The following ADAMTS16 variants were observed in gnomAD, a reference collection of about 807,000 sequenced individuals.
The protein encoded by ADAMTS16 is ADAM metallopeptidase with thrombospondin type 1 motif 16.
In ADAMTS16, 94 loss-of-function variants were observed where a neutral mutation model predicts 145.8. That is an observed-to-expected ratio of 0.64 (90% confidence interval 0.55 to 0.77). ADAMTS16 has a LOEUF of 0.77. Ranked by LOEUF, ADAMTS16 falls within the 30% of genes least tolerant of loss-of-function variation. The pLI, the probability that ADAMTS16 is intolerant of heterozygous loss-of-function variation, is 0.00. For missense variants in ADAMTS16, 1,585 were observed against 1,591.5 expected (o/e 1.00, Z 0.07); for synonymous variants, 659 against 604.3 (o/e 1.09, Z -1.33).
intron 5 of ADAMTS16, 45 bp from the exon 6 acceptor site, chr5:5,187,680 A>G (rs1456967923): frequency 5.8e-6 from 8 of 1,379,524 alleles, no homozygotes; most frequent in East Asian, 4.6e-5. Flanking sequence ...AGTAGGGGGG[A>G]AAATGCCATT....
chr5:5,142,090 C>T (rs1181352394), intron 2 of ADAMTS16: 2 of 151,284 alleles, frequency 1.3e-5, no homozygotes, highest in East Asian at 3.9e-4. Context: ...ATTCTAGTTC[C>T]CTAAAACCAT....
At chr5:5,279,000 T>C (rs559022408) in intron 18 of ADAMTS16, among the ~76,000 whole-genome samples, 1 of 152,240 alleles carries the variant, frequency 6.6e-6, no homozygotes, top group African/African-American at 2.4e-5. Flanking sequence ...GTAGACTGAA[T>C]AGAAAGTGCC....
At chr5:5,305,701 GTT>G (rs1444505884) in intron 20 of ADAMTS16, among the ~76,000 whole-genome samples, 1 of 152,234 alleles carries the variant, frequency 6.6e-6, no homozygotes, top group African/African-American at 2.4e-5. Flanking sequence ...CTGGGCAGGT[GTT>G]GCCACCTGGG....
intron 3 of ADAMTS16, among the ~76,000 whole-genome samples, chr5:5,178,077 G>A (rs1014051117): frequency 2.0e-5 from 3 of 152,144 alleles, no homozygotes; most frequent in African/African-American, 7.2e-5. Flanking sequence ...AATGATGAAT[G>A]CCAACAAATA....
At chr5:5,163,503 C>G (rs563253183) in intron 3 of ADAMTS16, among the ~76,000 whole-genome samples, 2 of 152,248 alleles carry the variant, frequency 1.3e-5, no homozygotes, top group East Asian at 3.9e-4. Flanking sequence ...TATGAATGGT[C>G]AAATTTGGTA....
intron 18 of ADAMTS16, among the ~76,000 whole-genome samples, chr5:5,286,853 G>A (rs112817072): frequency 3.7e-4 from 30 of 80,836 alleles, no homozygotes; most frequent in African/African-American, 1.2e-3. Flanking sequence ...GCAAGACTCC[G>A]TCTCAAAAAA....
chr5:5,241,982 A>G (rs776491350), intron 16 of ADAMTS16, 71 bp from the exon 17 acceptor site: 3 of 1,553,366 alleles, frequency 1.9e-6, no homozygotes, highest in Non-Finnish European at 2.6e-6. Context: ...TAAGTAGTCT[A>G]AATCCCGTTA....
intron 18 of ADAMTS16, among the ~76,000 whole-genome samples, chr5:5,281,227 A>G (rs557948689): frequency 1.3e-5 from 2 of 152,226 alleles, no homozygotes; most frequent in African/African-American, 4.8e-5. Context: ...TACAAGGGGT[A>G]GCCCTAAGTT....
intron 14 of ADAMTS16, among the ~76,000 whole-genome samples, chr5:5,237,368 C>T (rs1737140558): frequency 6.6e-6 from 1 of 152,086 alleles, no homozygotes; most frequent in Admixed American, 6.5e-5. Context: ...AAGGGAACAT[C>T]CACATCCAAG....
intron 3 of ADAMTS16, among the ~76,000 whole-genome samples, chr5:5,166,383 G>A (rs992379082): frequency 1.3e-5 from 2 of 152,184 alleles, no homozygotes; most frequent in Non-Finnish European, 2.9e-5. Flanking sequence ...GCTATCCGAT[G>A]ACCACTGTGT....
At chr5:5,272,788 T>G (rs1738534804) in intron 18 of ADAMTS16, among the ~76,000 whole-genome samples, 1 of 152,230 alleles carries the variant, frequency 6.6e-6, no homozygotes, top group South Asian at 2.1e-4. Flanking sequence ...ATTTGGGGAT[T>G]GTATTAGAAT....
intron 13 of ADAMTS16, 141 bp from the exon 14 acceptor site, chr5:5,236,828 T>C (rs1276716345): frequency 4.6e-6 from 5 of 1,097,670 alleles, no homozygotes; most frequent in East Asian, 2.7e-5. Flanking sequence ...GAGGCAACCA[T>C]TAAAAATGCC....
chr5:5,188,084 GGA>G (rs1735559823), intron 6 of ADAMTS16, among the ~76,000 whole-genome samples: 1 of 152,060 alleles, frequency 6.6e-6, no homozygotes, highest in African/African-American at 2.4e-5. Flanking sequence ...CATATAGGTG[GGA>G]CACACACTAG....
At chr5:5,178,204 A>G (rs1216932175) in intron 3 of ADAMTS16, among the ~76,000 whole-genome samples, 2 of 152,224 alleles carry the variant, frequency 1.3e-5, no homozygotes, top group East Asian at 1.9e-4. Flanking sequence ...TGAAGGCAAT[A>G]TAAGTGTTTG....
At chr5:5,276,472 TA>T (rs1738700864) in intron 18 of ADAMTS16, among the ~76,000 whole-genome samples, 1 of 152,234 alleles carries the variant, frequency 6.6e-6, no homozygotes, top group South Asian at 2.1e-4. Context: ...AAGATTATCT[TA>T]AAACTCTGAG....
chr5:5,246,169 A>G (rs1282189698), intron 17 of ADAMTS16, among the ~76,000 whole-genome samples: 1 of 152,206 alleles, frequency 6.6e-6, no homozygotes, highest in Non-Finnish European at 1.5e-5. Context: ...ACTTGGCCCA[A>G]TGTATTCCAA....
chr5:5,190,192 A>C, intron 7 of ADAMTS16, 62 bp downstream of exon 7: 1 of 1,477,384 alleles, frequency 6.8e-7, no homozygotes. Context: ...GCCGTGACAC[A>C]GTGTTGAGTA....
chr5:5,208,560 T>C (rs1736190440), intron 9 of ADAMTS16, among the ~76,000 whole-genome samples: 1 of 152,210 alleles, frequency 6.6e-6, no homozygotes, highest in East Asian at 1.9e-4. Context: ...GAAATCATCC[T>C]GAGCACAGAG....
chr5:5,156,919 C>A (rs1229441097), intron 3 of ADAMTS16, among the ~76,000 whole-genome samples: 2 of 152,156 alleles, frequency 1.3e-5, no homozygotes, highest in Non-Finnish European at 2.9e-5. Flanking sequence ...AATCCCCTAC[C>A]AACTCTCAAG....
Sources: gnomAD v4.1 joint callset for allele counts (sites outside exome capture counted in the v4.1 genomes callset) on GRCh38, gnomAD v4.1.1 for gene constraint, MANE v1.5 for transcripts, NCBI Gene and HGNC (gene_info 2026-07-23, HGNC 2026-07-21) for gene names.